PLA2G4B: variants seen among roughly 807,000 people sequenced by gnomAD.
PLA2G4B encodes the protein phospholipase A2 group IVB.
In PLA2G4B, 122 loss-of-function variants were observed where a neutral mutation model predicts 95.8. The ratio of observed to expected loss-of-function variants is 1.27; its 90% CI spans 1.10 to 1.48. The LOEUF is 1.48. Among genes scored for constraint, PLA2G4B ranks in the 40% most tolerant of loss-of-function variants. The pLI is 0.00. For synonymous variants in PLA2G4B, 518 were observed against 421.5 expected, an observed-to-expected ratio of 1.23 and a Z score of -2.80; for missense variants, 1,158 against 996.2, an observed-to-expected ratio of 1.16 and a Z score of -2.19.
intron 10 of PLA2G4B, 113 bp downstream of exon 10, chr15:41,842,704 C>G (rs1247960733): frequency 1.3e-6 from 2 of 1,498,264 alleles, no homozygotes; most frequent in East Asian, 2.4e-5. Flanking sequence ...TCCTCATGCT[C>G]TCTGAAGGGG....
At chr15:41,847,261 T>G (rs925150956) in intron 18 of PLA2G4B, 76 bp from the exon 19 acceptor site, 25 of 1,511,590 alleles carry the variant, frequency 1.7e-5, no homozygotes, top group Non-Finnish European at 2.2e-5. Context: ...CCAGGTCCTG[T>G]GCATCTTACG....
At position 41,845,777 on chromosome 15, in the gene PLA2G4B, T is replaced by C; in HGVS notation, c.1495+2T>C. ...AGTCCCGCATCTGCTTCTTAGAAGG[T>C]GAGGGGCACTGGCAGGCTGGGGAAG... On this transcript the variant is annotated splice_donor_variant, in intron 15 of 19. Coordinates refer to ENST00000458483, the MANE Select transcript of PLA2G4B (RefSeq NM_001114633.2). LOFTEE classifies it high-confidence loss of function. The C allele has an allele frequency of 6.3e-7, 1 of 1,590,548 alleles. No individual in the cohort carries two copies. Among genetic ancestry groups the C allele is most frequent in the Non-Finnish European group, 8.6e-7 (1 of 1,167,518 alleles).
In PLA2G4B at chr15:41,841,906, A is replaced by G; in HGVS notation, c.578A>G (p.His193Arg). 6.2e-7 allele frequency: 1 copy of G among 1,613,118 alleles called. No individual in the cohort carries two copies. The highest frequency in any genetic ancestry group is 8.5e-7 in the Non-Finnish European group (1 of 1,179,860). ...GTGGGCACTGGCACCTTCCGCTTCC[A>G]CTGCCCAGCCTGCTGGGAGCAGGAG... ...ASVGTGTFRFHCPACWEQELS... is the reference protein window; with the variant it reads ...ASVGTGTFRFRCPACWEQELS... Residue 193 changes from histidine (H) to arginine (R), a missense_variant, in exon 8 of 20, where the codon CAC becomes CGC. His to Arg is a conservative substitution (Grantham distance 29). Coordinates refer to ENST00000458483, the MANE Select transcript of PLA2G4B (RefSeq NM_001114633.2).
chr15:41,841,978 G>A (rs762245689), intron 8 of PLA2G4B, 29 bp downstream of exon 8: 1 of 1,599,384 alleles, frequency 6.3e-7, no homozygotes, highest in Non-Finnish European at 8.5e-7. Context: ...TCGAGGTGGG[G>A]CCCCCAGAAC....
intron 17 of PLA2G4B, 134 bp from the exon 18 acceptor site, chr15:41,846,535 C>T: frequency 6.6e-7 from 1 of 1,503,862 alleles, no homozygotes; most frequent in Non-Finnish European, 8.9e-7. Context: ...CTTGGGGACC[C>T]AGGGCCCACC....
Position 41,846,669 on chromosome 15 carries a change from C to T in PLA2G4B, c.1781C>T (p.Ala594Val). 6.2e-7 allele frequency: 1 copy of T among 1,604,890 alleles called. No individual in the cohort carries two copies. Among genetic ancestry groups the T allele is most frequent in the South Asian group, 1.1e-5 (1 of 90,376 alleles). ...FQHPHFSTWK[A>V]TTLDGLPNQL... Reference sequence around the variant, plus strand: ...ATTGCTGCTCTCCCCAACCTTCCAGCTACCACTCTGGATGGGCTCCCCAAC... The same window carrying T: ...ATTGCTGCTCTCCCCAACCTTCCAGTTACCACTCTGGATGGGCTCCCCAAC... Residue 594 changes from alanine (A) to valine (V), a missense_variant and splice_region_variant, in exon 18 of 20, where the codon GCT becomes GTT. Coordinates refer to ENST00000458483, the MANE Select transcript of PLA2G4B (RefSeq NM_001114633.2).
At chr15:41,846,598 A>T (rs150343089) in intron 17 of PLA2G4B, 71 bp from the exon 18 acceptor site, 3 of 1,542,662 alleles carry the variant, frequency 1.9e-6, no homozygotes, top group East Asian at 4.5e-5. Context: ...CAGAGGCCAG[A>T]GTCTCTCCTT....
In PLA2G4B at chr15:41,845,960, T is replaced by C; in HGVS notation, c.1513T>C (p.Tyr505His). 2.6e-6 allele frequency: 4 copies of C among 1,515,582 alleles called. No individual in the cohort carries two copies. The highest frequency in any genetic ancestry group is 3.5e-6 in the Non-Finnish European group (4 of 1,132,364). 93.9% of individuals were successfully genotyped at this position (1,515,582 alleles called of 1,614,324 possible). A position where few individuals can be genotyped will look rare whatever the true frequency, so the allele number is the denominator to read the frequency against. Residue 505 changes from tyrosine (Y) to histidine (H), a missense_variant, in exon 16 of 20, where the codon TAT becomes CAT. By Grantham distance (83) the Tyr-to-His change is moderately conservative. Transcript: ENST00000458483. ...CFLEGIWSNLYAANLQDSLYW... is the reference protein window; with the variant it reads ...CFLEGIWSNLHAANLQDSLYW... ...TCTTTCAGGTATCTGGAGCAACCTG[T>C]ATGCAGCCAACCTCCAGGACAGCTT...
At position 41,847,636 on chromosome 15, in the gene PLA2G4B, ACT is replaced by A. The variant is rs1217754229; in HGVS notation, c.2135-7_2135-6del. On this transcript the variant is annotated splice_polypyrimidine_tract_variant and intron_variant, in intron 19 of 19. Coordinates refer to ENST00000458483, the MANE Select transcript of PLA2G4B (RefSeq NM_001114633.2). ...CAACGTGTTCCCCATGCCAGGCTGC[ACT>A]CTCTCCACAGGGGTCCGGCGGACAC... 3 of 1,613,166 alleles carry A rather than the reference ACT, an allele frequency of 1.9e-6. No homozygotes were observed. Among genetic ancestry groups the A allele is most frequent in the East Asian group, 4.5e-5 (2 of 44,866 alleles).
intron 17 of PLA2G4B, 138 bp from the exon 18 acceptor site, chr15:41,846,531 G>T: frequency 6.6e-7 from 1 of 1,503,762 alleles, no homozygotes. Flanking sequence ...TTGTCTTGGG[G>T]ACCCAGGGCC....
chr15:41,844,327 G>T, intron 11 of PLA2G4B, 144 bp from the exon 12 acceptor site: 1 of 1,400,234 alleles, frequency 7.1e-7, no homozygotes. Flanking sequence ...CTGGCCCCCA[G>T]GGCTGACTGA....
chr15:41,845,133 G>C, intron 13 of PLA2G4B, 63 bp downstream of exon 13: 1 of 1,609,748 alleles, frequency 6.2e-7, no homozygotes, highest in Non-Finnish European at 8.5e-7. Flanking sequence ...CTCGGTGCTG[G>C]ACAGCAGGGT....
intron 13 of PLA2G4B, 21 bp downstream of exon 13, chr15:41,845,091 G>T: frequency 6.3e-7 from 1 of 1,595,990 alleles, no homozygotes; most frequent in East Asian, 2.3e-5. Context: ...TGCGGCCTGG[G>T]GGCAGAGCCA....
chr15:41,841,158 C>T, intron 5 of PLA2G4B, 63 bp downstream of exon 5: 1 of 1,613,984 alleles, frequency 6.2e-7, no homozygotes, highest in Non-Finnish European at 8.5e-7. Flanking sequence ...GCACTAGTGC[C>T]TGGGGGATGC....
Position 41,844,595 on chromosome 15 carries a change from C to T in PLA2G4B, c.1004C>T (p.Ser335Leu), listed in dbSNP as rs1415975974. 5 of 1,614,010 alleles carry T rather than the reference C, an allele frequency of 3.1e-6. No individual in the cohort carries two copies. The highest frequency in any genetic ancestry group is 2.2e-5 in the East Asian group (1 of 44,892). Residue 335 changes from serine (S) to leucine (L), a missense_variant, in exon 12 of 20, where the codon TCG (serine) becomes TTG (leucine). Coordinates refer to ENST00000458483, the MANE Select transcript of PLA2G4B (RefSeq NM_001114633.2). Reference protein sequence around the residue: ...LDCVSYITGASGSTWALANLY... With the variant: ...LDCVSYITGALGSTWALANLY... ...TGCGTCTCCTACATCACCGGGGCCTCGGGCTCCACCTGGTGAGCTGGGGGC... is the reference window on the plus strand; with the variant it reads ...TGCGTCTCCTACATCACCGGGGCCTTGGGCTCCACCTGGTGAGCTGGGGGC...
rs2065541488 is a variant in PLA2G4B at position 41,846,233 on chromosome 15, A to G, written c.1631A>G (p.Glu544Gly). The G allele has an allele frequency of 6.2e-7, 1 of 1,613,888 alleles. No homozygotes were observed. Among genetic ancestry groups the G allele is most frequent in the African/African-American group, 1.3e-5 (1 of 74,934 alleles). Residue 544 changes from glutamate to glycine, a missense_variant, in exon 17 of 20, where the codon GAA becomes GGA. Transcript: ENST00000458483. ...DKEQVPLLKI[E>G]EPPSTAGRIA... ...GAGCAGGTCCCCCTTCTGAAGATAG[A>G]AGAACCACCCTCAACAGCCGGCAGG...
At chr15:41,843,641 A>C (rs773633183) in intron 10 of PLA2G4B, 35 bp from the exon 11 acceptor site, 2 of 1,604,712 alleles carry the variant, frequency 1.2e-6, no homozygotes, top group Non-Finnish European at 1.7e-6. Flanking sequence ...GGGAGGGTTG[A>C]GAGCTGTCTC....
At chr15:41,844,260 G>A (rs1025190187) in intron 11 of PLA2G4B, among the ~76,000 whole-genome samples, 4 of 152,216 alleles carry the variant, frequency 2.6e-5, no homozygotes, top group African/African-American at 9.7e-5. Flanking sequence ...ACTTGCCTGG[G>A]CCATTTTTTC....
chr15:41,845,189 G>A lies in PLA2G4B; in HGVS notation c.1240-14G>A, dbSNP rs752614093. On this transcript the variant is annotated splice_polypyrimidine_tract_variant and intron_variant, in intron 13 of 19. Transcript: ENST00000458483. ...AGGCCGCTGTGGGTTTAGGTTCTACGCATCTTTCCCCAGCCCCATGATCAC... is the reference window on the plus strand; with the variant it reads ...AGGCCGCTGTGGGTTTAGGTTCTACACATCTTTCCCCAGCCCCATGATCAC... 26 of 1,613,928 alleles carry A rather than the reference G, an allele frequency of 1.6e-5. No individual in the cohort carries two copies. In the Admixed American group the frequency reaches 1.8e-4, roughly 11 times the overall value.
Sources: gnomAD v4.1 joint callset for allele counts (sites outside exome capture counted in the v4.1 genomes callset) on GRCh38, gnomAD v4.1.1 for gene constraint, MANE v1.5 for transcripts, NCBI Gene and HGNC (gene_info 2026-07-23, HGNC 2026-07-21) for gene names.